Variants in CDH4 observed in about 807,000 individuals in gnomAD.
The protein encoded by CDH4 is cadherin-4.
A neutral mutation model predicts 86.0 loss-of-function variants in CDH4; 33 were observed. The ratio of observed to expected loss-of-function variants is 0.38; its 90% confidence interval spans 0.29 to 0.51. The LOEUF (loss-of-function observed/expected upper bound fraction) is 0.51. Among genes scored for constraint, CDH4 ranks in the 20% least tolerant of loss-of-function variants. The probability of loss-of-function intolerance (pLI) is 0.86; values close to 1 mark genes in which losing one functional copy is unlikely to be tolerated. For synonymous variants in CDH4, 555 were observed against 549.4 expected, an observed-to-expected ratio of 1.01 and a Z score of -0.14; for missense variants, 1,114 against 1,307.4, an observed-to-expected ratio of 0.85 and a Z score of 2.28.
chr20:61,559,672 C>A (rs1053870399), intron 2 of CDH4, among the ~76,000 whole-genome samples: 11 of 151,726 alleles, frequency 7.2e-5, no homozygotes, highest in Admixed American at 2.6e-4. Context: ...GCGTGTGCTG[C>A]TTCACCTGAT....
In CDH4 at chr20:61,431,912, G is replaced by A. The variant is rs111778387; in HGVS notation, c.169+176975G>A. 6.6e-4 allele frequency among the ~76,000 whole-genome samples: 100 copies of A among 152,060 alleles called. 1 individual carries two copies. In the East Asian group the frequency reaches 8.9e-3, roughly 14 times the overall value. The stretch of plus-strand genomic sequence containing the variant: ...AGTAGGGAATATACTTTTTTGTGCC[G>A]GCTTCTTGCACCGATACATGGATGT... On this transcript the variant is annotated intron_variant, in intron 2 of 15. Coordinates refer to ENST00000614565, the MANE Select transcript of CDH4 (RefSeq NM_001794.5).
intron 2 of CDH4, among the ~76,000 whole-genome samples, chr20:61,442,608 C>T (rs550006681): frequency 2.0e-5 from 3 of 152,318 alleles, no homozygotes; most frequent in South Asian, 4.1e-4. Flanking sequence ...CAGAAGGCTG[C>T]GTTACAGAGA....
At chr20:61,460,892 C>T (rs1035551412) in intron 2 of CDH4, among the ~76,000 whole-genome samples, 1 of 152,136 alleles carries the variant, frequency 6.6e-6, no homozygotes. Context: ...TACTGTTATT[C>T]CCTGGTGGCT....
chr20:61,546,268 C>T (rs961492276), intron 2 of CDH4, among the ~76,000 whole-genome samples: 3 of 150,832 alleles, frequency 2.0e-5, no homozygotes, highest in African/African-American at 7.3e-5. Context: ...TATGTGTTCA[C>T]ATGTGTGTGG....
chr20:61,741,263 C>T (rs538019041), intron 2 of CDH4, among the ~76,000 whole-genome samples: 106 of 152,276 alleles, frequency 7.0e-4, no homozygotes, highest in Non-Finnish European at 9.9e-4. Context: ...GGCCCTGGTG[C>T]GGTCCCCCGG....
At chr20:61,827,382 G>A (rs1981374610) in intron 4 of CDH4, among the ~76,000 whole-genome samples, 1 of 152,162 alleles carries the variant, frequency 6.6e-6, no homozygotes, top group Admixed American at 6.5e-5. Context: ...CATGTTGTTT[G>A]GGATTTATTG....
chr20:61,385,897 A>T (rs985942897), intron 2 of CDH4, among the ~76,000 whole-genome samples: 3 of 152,156 alleles, frequency 2.0e-5, no homozygotes, highest in African/African-American at 7.2e-5. Flanking sequence ...TTTGCTATGT[A>T]GATTGCAGCT....
At position 61,552,526 on chromosome 20, in the gene CDH4, C is replaced by T. The variant is rs2086140379; in HGVS notation, c.170-191037C>T. Among the ~76,000 whole-genome samples, 4 of 152,078 alleles carry T rather than the reference C, an allele frequency of 2.6e-5. No homozygotes were observed. In the South Asian group the frequency reaches 8.3e-4, roughly 32 times the overall value. The stretch of plus-strand genomic sequence containing the variant: ...ACCAGCCTGGCCAACATAGTGAAAC[C>T]CCATCTCTACTAAAAACACAAAAAT... On this transcript the variant is annotated intron_variant, in intron 2 of 15. Transcript: ENST00000614565.
chr20:61,421,466 C>T (rs992799716), intron 2 of CDH4, among the ~76,000 whole-genome samples: 1 of 152,156 alleles, frequency 6.6e-6, no homozygotes, highest in Non-Finnish European at 1.5e-5. Context: ...AAATGCAAAA[C>T]AGTCAAACTC....
intron 2 of CDH4, among the ~76,000 whole-genome samples, chr20:61,707,045 G>A (rs868885): frequency 1.3e-5 from 2 of 152,172 alleles, no homozygotes; most frequent in African/African-American, 2.4e-5. Context: ...CTTCCGTGGC[G>A]GTACTCTCTC....
At chr20:61,573,233 C>T (rs1341308924) in intron 2 of CDH4, among the ~76,000 whole-genome samples, 2 of 152,194 alleles carry the variant, frequency 1.3e-5, no homozygotes, top group African/African-American at 2.4e-5. Flanking sequence ...GAACCCCACC[C>T]AGCAGGGAAC....
rs113427764 is a variant in CDH4, at chr20:61,544,233, A to G, written c.170-199330A>G. ...GGGGACCTCGGCAATGCCAGAGACC[A>G]CAGTTGTGTATGTATATGGCGGGGT... On this transcript the variant is annotated intron_variant, in intron 2 of 15. Transcript: ENST00000614565. This position sits in a 1 kb window ranked among gnomAD's most constrained non-coding sequence, Gnocchi z 6.5. Among the ~76,000 whole-genome samples, 8 of 152,238 alleles carry G rather than the reference A, an allele frequency of 5.3e-5. No individual in the cohort carries two copies. Among genetic ancestry groups the G allele is most frequent in the South Asian group, 2.1e-4 (1 of 4,826 alleles).
chr20:61,734,694 G>A (rs1306935775), intron 2 of CDH4, among the ~76,000 whole-genome samples: 1 of 152,202 alleles, frequency 6.6e-6, no homozygotes, highest in Non-Finnish European at 1.5e-5. Context: ...CATTTCCAAG[G>A]CCCCTCCCAG....
chr20:61,301,321 A>G (rs183862817), intron 2 of CDH4, among the ~76,000 whole-genome samples: 12 of 152,340 alleles, frequency 7.9e-5, no homozygotes, highest in Admixed American at 5.9e-4. Flanking sequence ...CAGTGGTGCC[A>G]GCGGTGGTGC....
intron 2 of CDH4, among the ~76,000 whole-genome samples, chr20:61,275,087 T>TTGGGGGAGAAC (rs1361087409): frequency 2.5e-4 from 22 of 88,148 alleles, no homozygotes; most frequent in African/African-American, 1.0e-3. Context: ...CATGTGTAGT[T>TTGGGGGAGAAC]TGGGGGAGTA....
chr20:61,897,487 C>T (rs1985185241), intron 8 of CDH4, among the ~76,000 whole-genome samples: 1 of 151,944 alleles, frequency 6.6e-6, no homozygotes, highest in Non-Finnish European at 1.5e-5. Flanking sequence ...AAATGACCAG[C>T]CACCAGCACT....
At chr20:61,391,200 A>T (rs1024696110) in intron 2 of CDH4, among the ~76,000 whole-genome samples, 1 of 152,006 alleles carries the variant, frequency 6.6e-6, no homozygotes, top group Non-Finnish European at 1.5e-5. Context: ...TGGTTTGCCA[A>T]GTAAGTGAGC....
At chr20:61,336,637 T>G (rs1163004453) in intron 2 of CDH4, among the ~76,000 whole-genome samples, 3 of 152,236 alleles carry the variant, frequency 2.0e-5, no homozygotes, top group Non-Finnish European at 4.4e-5. Flanking sequence ...CAGGGCCTTC[T>G]ATAGCCAGCC....
chr20:61,883,044 G>A (rs565673655), intron 7 of CDH4, among the ~76,000 whole-genome samples: 16 of 152,172 alleles, frequency 1.1e-4, no homozygotes, highest in Non-Finnish European at 2.1e-4. Flanking sequence ...ACCCCACCAC[G>A]GTTTCCTGTC....
Sources: allele counts gnomAD v4.1 joint callset (sites outside exome capture counted in the v4.1 genomes callset), GRCh38; gene constraint gnomAD v4.1.1; non-coding constraint Gnocchi (gnomAD v3.1); transcripts MANE v1.5; gene names NCBI Gene and HGNC (gene_info 2026-07-23, HGNC 2026-07-21).